CCDC73: variants seen among roughly 807,000 people sequenced by gnomAD.
CCDC73 encodes the protein coiled-coil domain-containing protein 73.
In CCDC73, 95 loss-of-function variants were observed where a neutral mutation model predicts 116.5. The observed-to-expected ratio is 0.82, with a 90% CI of 0.69 to 0.97. CCDC73 has a LOEUF of 0.97. Ranked by LOEUF, CCDC73 falls within the 50% of genes least tolerant of loss-of-function variation. The probability of loss-of-function intolerance (pLI) is 0.00; values close to 1 mark genes in which losing one functional copy is unlikely to be tolerated. For synonymous variants in CCDC73, 398 were observed against 401.3 expected, an observed-to-expected ratio of 0.99 and a Z score of 0.10; for missense variants, 1,066 against 1,206.8, an observed-to-expected ratio of 0.88 and a Z score of 1.73.
intron 2 of CCDC73, among the ~76,000 whole-genome samples, chr11:32,731,653 G>C (rs868582403): frequency 1.3e-5 from 2 of 152,260 alleles, no homozygotes; most frequent in Admixed American, 6.5e-5. Context: ...AGGCAAACAG[G>C]GTCTGGAGTG....
chr11:32,685,764 C>T (rs959708154), intron 6 of CCDC73, among the ~76,000 whole-genome samples: 1 of 135,514 alleles, frequency 7.4e-6, no homozygotes, highest in South Asian at 2.4e-4. Context: ...GCTCTGTCAC[C>T]AGGTTGGAGT....
intron 14 of CCDC73, among the ~76,000 whole-genome samples, chr11:32,622,685 A>T (rs1366741905): frequency 6.6e-6 from 1 of 150,404 alleles, no homozygotes. Flanking sequence ...AAAAAAAAAA[A>T]AAGAAAGAAT....
chr11:32,617,624 A>G (rs1855485866), intron 14 of CCDC73, among the ~76,000 whole-genome samples: 1 of 148,934 alleles, frequency 6.7e-6, no homozygotes, highest in Admixed American at 6.8e-5. Flanking sequence ...GTATGGAACT[A>G]AAGTTAATTG....
In CCDC73 at chr11:32,602,753, TA is replaced by T; in HGVS notation, c.*57del. On this transcript the variant is annotated 3_prime_UTR_variant, in exon 18 of 18. Coordinates refer to ENST00000335185, the MANE Select transcript of CCDC73 (RefSeq NM_001008391.4). ...AAATACAACAGTCATTTTATTCTAG[TA>T]AAAACTATACCAGAATTTCAGTTAC... The T allele has an allele frequency of 8.0e-7, 1 of 1,257,630 alleles. No homozygotes were observed. The highest frequency in any genetic ancestry group is 1.1e-6 in the Non-Finnish European group (1 of 915,962). The allele number at this position is 1,257,630 out of a possible 1,614,324, so 77.9% of individuals were successfully genotyped here. A position where few individuals can be genotyped will look rare whatever the true frequency, so the allele number is the denominator to read the frequency against.
chr11:32,798,702 G>T (rs1850747322), upstream of CCDC73, among the ~76,000 whole-genome samples: 1 of 152,188 alleles, frequency 6.6e-6, no homozygotes, highest in Admixed American at 6.5e-5. Flanking sequence ...GATATTTTCA[G>T]TGGCTAATCA....
In CCDC73 at chr11:32,602,740, C is replaced by A; in HGVS notation, c.*71G>T. The A allele has an allele frequency of 8.7e-7, 1 of 1,151,242 alleles. No individual in the cohort carries two copies. The highest frequency in any genetic ancestry group is 2.6e-5 in the East Asian group (1 of 39,082). 71.3% of individuals were successfully genotyped at this position (1,151,242 alleles called of 1,614,324 possible). ...ACTGTAGAGCTTTAAATACAACAGTCATTTTATTCTAGTAAAAACTATACC... is the reference window on the plus strand; with the variant it reads ...ACTGTAGAGCTTTAAATACAACAGTAATTTTATTCTAGTAAAAACTATACC... On this transcript the variant is annotated 3_prime_UTR_variant, in exon 18 of 18. Coordinates refer to ENST00000335185, the MANE Select transcript of CCDC73 (RefSeq NM_001008391.4).
chr11:32,639,073 G>A (rs1197336926), intron 13 of CCDC73, among the ~76,000 whole-genome samples: 1 of 151,214 alleles, frequency 6.6e-6, no homozygotes, highest in Admixed American at 6.6e-5. Flanking sequence ...GCTTGAACCC[G>A]GGAGGTGGAG....
rs113170758 is a variant in CCDC73 at position 32,640,408 on chromosome 11, T to G, written c.1050+1564A>C. Among the ~76,000 whole-genome samples, 791 of 151,936 alleles carry G rather than the reference T, an allele frequency of 5.2e-3. 5 individuals are homozygous for G. Among genetic ancestry groups the G allele is most frequent in the Non-Finnish European group, 8.5e-3 (578 of 67,928 alleles). ...TTCTTAGCTAAACTGATCTTTTTGG[T>G]TTTTTTTGCAAGTTTGGCATATTTA... On this transcript the variant is annotated intron_variant, in intron 13 of 17. Transcript: ENST00000335185.
rs566838509 is a variant in CCDC73 at position 32,675,543 on chromosome 11, T to C, written c.645+22A>G. Reference sequence around the variant, plus strand: ...TTATATTATAATTTTTACTTAGTAGTGTGAAACTGTATCAATCATACCTTC... The same window carrying C: ...TTATATTATAATTTTTACTTAGTAGCGTGAAACTGTATCAATCATACCTTC... On this transcript the variant is annotated intron_variant, in intron 9 of 17. Coordinates refer to ENST00000335185, the MANE Select transcript of CCDC73 (RefSeq NM_001008391.4). 9.7e-5 allele frequency: 135 copies of C among 1,391,500 alleles called. 2 individuals are homozygous for C. In the East Asian group the frequency reaches 2.7e-3, roughly 28 times the overall value. The allele number at this position is 1,391,500 out of a possible 1,614,324, so 86.2% of individuals were successfully genotyped here. A position where few individuals can be genotyped will look rare whatever the true frequency, so the allele number is the denominator to read the frequency against.
chr11:32,700,997 A>G (rs1849806224), intron 4 of CCDC73, among the ~76,000 whole-genome samples, 171 bp from the exon 5 acceptor site: 1 of 152,148 alleles, frequency 6.6e-6, no homozygotes, highest in South Asian at 2.1e-4. Flanking sequence ...AAAACGAGAA[A>G]AAAGCCAGTC....
chr11:32,829,984 G>A, the CCDC73 span: 5 of 984,460 alleles, frequency 5.1e-6, no homozygotes, highest in Non-Finnish European at 6.0e-6. Context: ...TGTTCCCCGG[G>A]CGCCCCTCTG....
At chr11:32,737,851 C>A (rs1276973557) in intron 2 of CCDC73, among the ~76,000 whole-genome samples, 1 of 152,044 alleles carries the variant, frequency 6.6e-6, no homozygotes, top group East Asian at 1.9e-4. Context: ...TCCCACTACC[C>A]TTCCCAGCCT....
intron 7 of CCDC73, chr11:32,682,561 T>C (rs1451357654): frequency 6.6e-6 from 1 of 151,914 alleles, no homozygotes; most frequent in African/African-American, 2.4e-5. Context: ...CTCATGTATA[T>C]AATATATAAG....
At chr11:32,806,913 G>C in the CCDC73 span, among the ~76,000 whole-genome samples, 1 of 152,182 alleles carries the variant, frequency 6.6e-6, no homozygotes, top group African/African-American at 2.4e-5. Context: ...ATGGGTCTGA[G>C]TGAAGGAAGA....
chr11:32,620,631 A>G (rs1855515235), intron 14 of CCDC73, among the ~76,000 whole-genome samples: 1 of 151,070 alleles, frequency 6.6e-6, no homozygotes, highest in African/African-American at 2.4e-5. Context: ...AAAAAAAAAA[A>G]AAGAAGTGAC....
chr11:32,649,969 C>T (rs1423712933), intron 12 of CCDC73, among the ~76,000 whole-genome samples: 1 of 152,018 alleles, frequency 6.6e-6, no homozygotes, highest in African/African-American at 2.4e-5. Context: ...TCAGGTAATA[C>T]TTGTGGCAGT....
chr11:32,740,180 G>A (rs1251209779), intron 2 of CCDC73, among the ~76,000 whole-genome samples: 2 of 151,880 alleles, frequency 1.3e-5, no homozygotes, highest in African/African-American at 4.8e-5. Context: ...GTCTGGTTTG[G>A]TATCAGTGTA....
upstream of CCDC73, among the ~76,000 whole-genome samples, chr11:32,796,309 T>A (rs1483547931): frequency 6.6e-6 from 1 of 152,252 alleles, no homozygotes; most frequent in Non-Finnish European, 1.5e-5. Flanking sequence ...AATAAATTCA[T>A]ATGAATGAAT....
chr11:32,792,330 T>C (rs767862420), intron 1 of CCDC73, among the ~76,000 whole-genome samples: 8 of 152,094 alleles, frequency 5.3e-5, no homozygotes, highest in Non-Finnish European at 1.2e-4. Flanking sequence ...ACACTGCTTA[T>C]GGTAAAGGTA....
Sources: allele counts gnomAD v4.1 joint callset (sites outside exome capture counted in the v4.1 genomes callset), GRCh38; gene constraint gnomAD v4.1.1; transcripts MANE v1.5; gene names NCBI Gene and HGNC (gene_info 2026-07-23, HGNC 2026-07-21).